Variants in CACNG3 observed in about 807,000 individuals in gnomAD.
CACNG3 encodes voltage-dependent calcium channel gamma-3 subunit.
Under a neutral mutation model 28.5 loss-of-function variants are expected in CACNG3, and 3 were observed. The ratio of observed to expected loss-of-function variants is 0.11; its 90% CI spans 0.05 to 0.27. CACNG3 has a LOEUF of 0.27. CACNG3 is among the 10% of genes least tolerant of loss of function. The pLI is 1.00. For missense variants in CACNG3, 236 were observed against 414.4 expected (o/e 0.57, Z 3.74); for synonymous variants, 174 against 162.2 (o/e 1.07, Z -0.55).
chr16:24,359,521 T>C (rs936832022), intron 3 of CACNG3, among the ~76,000 whole-genome samples: 1 of 152,104 alleles, frequency 6.6e-6, no homozygotes, highest in African/African-American at 2.4e-5. Context: ...ATTTTAGCCC[T>C]GTACTCTGGA....
intron 3 of CACNG3, among the ~76,000 whole-genome samples, chr16:24,358,725 A>G (rs1367631948): frequency 6.6e-6 from 1 of 152,144 alleles, no homozygotes; most frequent in African/African-American, 2.4e-5. Context: ...TAAATCCACC[A>G]TGGCTAAGAG....
intron 2 of CACNG3, among the ~76,000 whole-genome samples, chr16:24,349,212 T>C (rs1447659464): frequency 6.6e-6 from 1 of 151,174 alleles, no homozygotes; most frequent in Non-Finnish European, 1.5e-5. Flanking sequence ...TATCGACTTT[T>C]CTGTTGTTTC....
chr16:24,327,611 AC>A (rs1466540880), intron 1 of CACNG3, among the ~76,000 whole-genome samples: 2 of 149,138 alleles, frequency 1.3e-5, no homozygotes, highest in South Asian at 4.3e-4. Flanking sequence ...CATAGTGAGA[AC>A]CTGTCTCAAA....
chr16:24,291,422 C>T (rs188065333), intron 1 of CACNG3, among the ~76,000 whole-genome samples: 7 of 152,128 alleles, frequency 4.6e-5, no homozygotes, highest in South Asian at 2.1e-4. Context: ...TCAAGTGCAG[C>T]GATTTTATCC....
intron 1 of CACNG3, among the ~76,000 whole-genome samples, chr16:24,317,623 AAAGACAGACAGAAAGAAAGAAAAGAAAAG>A (rs1899382956): frequency 1.0e-4 from 6 of 58,010 alleles, no homozygotes; most frequent in African/African-American, 3.0e-4. Context: ...AGAAAGAAAG[AAAGACAGACAGAAAGAAAGAAAAGAAAAG>A]AAAGAAAGAA....
intron 1 of CACNG3, among the ~76,000 whole-genome samples, chr16:24,278,161 G>C (rs1242396532): frequency 6.6e-6 from 1 of 152,188 alleles, no homozygotes; most frequent in African/African-American, 2.4e-5. Context: ...TGATGTGGAA[G>C]GAGGTATGAT....
At chr16:24,266,546 G>A (rs1219336682) in intron 1 of CACNG3, among the ~76,000 whole-genome samples, 1 of 152,064 alleles carries the variant, frequency 6.6e-6, no homozygotes, top group Non-Finnish European at 1.5e-5. Flanking sequence ...AGAAAAAGAG[G>A]GAAAACGATA....
chr16:24,307,707 G>A (rs1157392761), intron 1 of CACNG3, among the ~76,000 whole-genome samples: 2 of 152,140 alleles, frequency 1.3e-5, no homozygotes, highest in African/African-American at 4.8e-5. Context: ...CCCAACAAAT[G>A]GATGATGAAC....
chr16:24,301,062 T>C (rs1308181171), intron 1 of CACNG3, among the ~76,000 whole-genome samples: 1 of 118,160 alleles, frequency 8.5e-6, no homozygotes, highest in East Asian at 2.2e-4. Flanking sequence ...AAAAAAAAAA[T>C]TAGTCTGGCG....
chr16:24,349,091 C>A (rs1899907526), intron 2 of CACNG3, among the ~76,000 whole-genome samples: 1 of 152,210 alleles, frequency 6.6e-6, no homozygotes, highest in South Asian at 2.1e-4. Context: ...CTGATCCAGC[C>A]ACGTAGGGCT....
In CACNG3 at chr16:24,256,794, A is replaced by G; in HGVS notation, c.40A>G (p.Thr14Ala). The stretch of plus-strand genomic sequence containing the variant: ...CAGAGGTATCCAGATGTTGATCACC[A>G]CTGTAGGAGCCTTTGCCGCTTTTAG... ...CDRGIQMLIT[T>A]VGAFAAFSLM... Residue 14 changes from threonine (T) to alanine (A), a missense_variant, in exon 1 of 4, where the codon ACT (threonine) becomes GCT (alanine). By Grantham distance (58) the Thr-to-Ala change is moderately conservative. Coordinates refer to ENST00000005284, the MANE Select transcript of CACNG3 (RefSeq NM_006539.4). This position sits in a 1 kb window ranked among gnomAD's most constrained non-coding sequence, Gnocchi z 4.6. 6.2e-7 allele frequency: 1 copy of G among 1,613,786 alleles called. No individual in the cohort carries two copies. Among genetic ancestry groups the G allele is most frequent in the Non-Finnish European group, 8.5e-7 (1 of 1,179,644 alleles).
chr16:24,350,975 A>C (rs138121746), intron 2 of CACNG3, among the ~76,000 whole-genome samples: 2 of 152,336 alleles, frequency 1.3e-5, no homozygotes, highest in East Asian at 3.9e-4. Context: ...ACTCACTTAC[A>C]GAACCCCAGA....
chr16:24,356,323 T>A (rs1007410364), intron 3 of CACNG3, among the ~76,000 whole-genome samples: 4 of 152,154 alleles, frequency 2.6e-5, no homozygotes, highest in African/African-American at 9.7e-5. Flanking sequence ...TGGATTTCAA[T>A]CCTGGATCCA....
chr16:24,283,560 G>C (rs562534561), intron 1 of CACNG3, among the ~76,000 whole-genome samples: 1 of 152,182 alleles, frequency 6.6e-6, no homozygotes, highest in Non-Finnish European at 1.5e-5. Context: ...TTTATAAGCT[G>C]CTTGAACATT....
At chr16:24,356,797 T>C (rs950653322) in intron 3 of CACNG3, among the ~76,000 whole-genome samples, 1 of 152,166 alleles carries the variant, frequency 6.6e-6, no homozygotes, top group Admixed American at 6.5e-5. Context: ...AATAAAGACA[T>C]ACCCGAGACT....
At chr16:24,298,154 A>G (rs1373893040) in intron 1 of CACNG3, among the ~76,000 whole-genome samples, 1 of 152,194 alleles carries the variant, frequency 6.6e-6, no homozygotes, top group Non-Finnish European at 1.5e-5. Flanking sequence ...CCCTTCAAGT[A>G]AGTATATTTA....
Position 24,361,246 on chromosome 16 carries a change from C to T in CACNG3, c.437-106C>T. ...GATTTCCCAGCTATAATCCATTCTC[C>T]TCTCTCCCCATTACCTCCACATTTT... is the stretch of plus-strand genomic sequence containing the variant. On this transcript the variant is annotated intron_variant, in intron 3 of 3. Coordinates refer to ENST00000005284, the MANE Select transcript of CACNG3 (RefSeq NM_006539.4). This position sits in a 1 kb window ranked among gnomAD's most constrained non-coding sequence, Gnocchi z 6.8. The T allele has an allele frequency of 1.1e-6, 1 of 903,506 alleles. No homozygotes were observed. Among genetic ancestry groups the T allele is most frequent in the East Asian group, 2.4e-5 (1 of 41,102 alleles). 56.0% of individuals were successfully genotyped at this position (903,506 alleles called of 1,614,324 possible). A position where few individuals can be genotyped will look rare whatever the true frequency, so the allele number is the denominator to read the frequency against.
chr16:24,355,997 C>T (rs538141608), intron 3 of CACNG3, among the ~76,000 whole-genome samples: 15 of 152,296 alleles, frequency 9.8e-5, no homozygotes, highest in African/African-American at 2.6e-4. Context: ...GGGTCCTGTT[C>T]TCTGCCTCTT....
At chr16:24,296,055 G>A (rs16973504) in intron 1 of CACNG3, among the ~76,000 whole-genome samples, 11,432 of 152,218 alleles carry the variant, frequency 0.075, 727 homozygotes, top group East Asian at 0.18. Context: ...TGCACAAGGT[G>A]CATCACACCA....
Sources: allele counts gnomAD v4.1 joint callset (sites outside exome capture counted in the v4.1 genomes callset), GRCh38; gene constraint gnomAD v4.1.1; non-coding constraint Gnocchi (gnomAD v3.1); transcripts MANE v1.5; gene names NCBI Gene and HGNC (gene_info 2026-07-23, HGNC 2026-07-21).